Variants in FLG observed in about 807,000 individuals in gnomAD.
FLG encodes epidermal filaggrin.
FLG carries 6 observed loss-of-function variants against 3.8 expected under a neutral mutation model. The ratio of observed to expected loss-of-function variants is 1.60; its 90% CI spans 0.87 to 3.15. The LOEUF (loss-of-function observed/expected upper bound fraction) is 3.15, where lower values mean the gene tolerates loss of function less well. FLG is among the 30% of genes most tolerant of loss of function. The pLI is 0.00. For synonymous variants in FLG, 2,551 were observed against 1,931.6 expected (o/e 1.32, Z -8.41); for missense variants, 7,595 against 5,050.9 (o/e 1.50, Z -15.27).
In FLG at chr1:152,309,046, C is replaced by T. The variant is rs560912365; in HGVS notation, c.5840G>A (p.Trp1947Ter). The change falls in exon 3 of 3, where the codon TGG (tryptophan) becomes TAG (stop). Residue 1947 changes from tryptophan (W) to a stop codon, truncating the protein, a stop_gained. Coordinates refer to ENST00000368799, the MANE Select transcript of FLG (RefSeq NM_002016.2). LOFTEE classifies it low-confidence loss of function (END_TRUNC). Reference sequence around the variant, plus strand: ...TCTGGAGCCATCTCTTGACTGCTCCCAAGCAGATCCAAGATGGTTTCTGGA... The same window carrying T: ...TCTGGAGCCATCTCTTGACTGCTCCTAAGCAGATCCAAGATGGTTTCTGGA... ...SASRNHLGSA[W>*]EQSRDGSRHP... 3.0e-4 allele frequency: 483 copies of T among 1,613,528 alleles called. 1 individual carries two copies. Among genetic ancestry groups the T allele is most frequent in the Middle Eastern group, 2.5e-3 (15 of 6,062 alleles).
Position 152,307,535 on chromosome 1 carries a change from T to A in FLG, c.7351A>T (p.Arg2451Trp), listed in dbSNP as rs1309536292. ...SHHKQARDSS[R>W]HSTSQEGQDT... ...TGACCCTCTTGGGACGTTGAGTGCC[T>A]GGAGCTGTCTCGTGCCTGCTTGTGG... is the stretch of plus-strand genomic sequence containing the variant. Residue 2451 changes from arginine (R) to tryptophan (W), a missense_variant, in exon 3 of 3, where the codon AGG (arginine) becomes TGG (tryptophan). Coordinates refer to ENST00000368799, the MANE Select transcript of FLG (RefSeq NM_002016.2). The A allele has an allele frequency of 1.2e-6, 2 of 1,613,760 alleles. No homozygotes were observed. Among genetic ancestry groups the A allele is most frequent in the East Asian group, 2.2e-5 (1 of 44,786 alleles).
At position 152,312,377 on chromosome 1, in the gene FLG, C is replaced by A; in HGVS notation, c.2509G>T (p.Gly837Cys). 10 of 1,611,470 alleles carry A rather than the reference C, an allele frequency of 6.2e-6. 1 individual carries two copies. In the South Asian group the frequency reaches 9.9e-5, roughly 16 times the overall value. ...GGGTGTCCACGAATGGTGTCCTGAC[C>A]ATCTTGGGATGCTGAGTGCCTGGAG... ...DNSRHSASQD[G>C]QDTIRGHPGS... is the part of the protein sequence containing the mutation. The change falls in exon 3 of 3, where the codon GGT (glycine) becomes TGT (cysteine). Residue 837 changes from glycine to cysteine, a missense_variant. Gly to Cys is a radical substitution (Grantham distance 159). Coordinates refer to ENST00000368799, the MANE Select transcript of FLG (RefSeq NM_002016.2).
Position 152,303,797 on chromosome 1 carries a change from G to T in FLG, c.11089C>A (p.Arg3697Ser), listed in dbSNP as rs375154095. ...PHQQSHQEST[R>S]GRSAGRSGRS... ...CCAGACCTTCCTGCTGACCGGCCACGTGTGGACTCTTGGTGGCTCTGCTGA... is the reference window on the plus strand; with the variant it reads ...CCAGACCTTCCTGCTGACCGGCCACTTGTGGACTCTTGGTGGCTCTGCTGA... Residue 3697 changes from arginine (R) to serine (S), a missense_variant, in exon 3 of 3, where the codon CGT becomes AGT. Transcript: ENST00000368799. 2 of 1,613,680 alleles carry T rather than the reference G, an allele frequency of 1.2e-6. No individual in the cohort carries two copies. The highest frequency in any genetic ancestry group is 1.7e-6 in the Non-Finnish European group (2 of 1,179,866).
In FLG at chr1:152,308,422, T is replaced by C. The variant is rs1278841937; in HGVS notation, c.6464A>G (p.Glu2155Gly). Reference sequence around the variant, plus strand: ...GTGTCCAGACCTATCTACCGATTGCTCTTGGTGGGACCCCTGTCTTCCTCC... The same window carrying C: ...GTGTCCAGACCTATCTACCGATTGCCCTTGGTGGGACCCCTGTCTTCCTCC... Reference protein sequence around the residue: ...SRGGRQGSHQEQSVDRSGHSG... With the variant: ...SRGGRQGSHQGQSVDRSGHSG... The change falls in exon 3 of 3, where the codon GAG becomes GGG. Residue 2155 changes from glutamate (E) to glycine (G), a missense_variant. By Grantham distance (98) the Glu-to-Gly change is moderately conservative. Transcript: ENST00000368799. 1.2e-6 allele frequency: 2 copies of C among 1,613,770 alleles called. No homozygotes were observed. The highest frequency in any genetic ancestry group is 1.7e-6 in the Non-Finnish European group (2 of 1,179,910).
Position 152,303,618 on chromosome 1 carries a change from G to C in FLG, c.11268C>G (p.Asp3756Glu). The change falls in exon 3 of 3, where the codon GAC (aspartate) becomes GAG (glutamate). Residue 3756 changes from aspartate to glutamate, a missense_variant. Asp to Glu is a conservative substitution (Grantham distance 45). Coordinates refer to ENST00000368799, the MANE Select transcript of FLG (RefSeq NM_002016.2). ...TTGACCCCGGGTGTCCACGAATGGT[G>C]TCCTGACCCTCTTGGGACGCTGAGT... ...SRHSASQEGQ[D>E]TIRGHPGSRR... 1.2e-6 allele frequency: 2 copies of C among 1,613,856 alleles called. No homozygotes were observed. The highest frequency in any genetic ancestry group is 1.7e-6 in the Non-Finnish European group (2 of 1,179,956).
At position 152,313,614 on chromosome 1, in the gene FLG, G is replaced by T. The variant is rs766054836; in HGVS notation, c.1272C>A (p.Asp424Glu). The T allele has an allele frequency of 1.2e-6, 2 of 1,613,950 alleles. No homozygotes were observed. The highest frequency in any genetic ancestry group is 1.1e-5 in the South Asian group (1 of 91,060). The part of the protein sequence containing the change: ...HRGSSGSQAS[D>E]SEGHSENSDT... ...CTGAGTTTTCTGAATGTCCCTCACT[G>T]TCACTGGCCTGACTACCGCTAGACC... Residue 424 changes from aspartate to glutamate, a missense_variant, in exon 3 of 3, where the codon GAC becomes GAA. Asp to Glu is a conservative substitution (Grantham distance 45). Coordinates refer to ENST00000368799, the MANE Select transcript of FLG (RefSeq NM_002016.2).
rs149094882 is a variant in FLG at position 152,302,896 on chromosome 1, C to T, written c.11990G>A (p.Gly3997Glu). 6.2e-7 allele frequency: 1 copy of T among 1,614,060 alleles called. No homozygotes were observed. The highest frequency in any genetic ancestry group is 8.5e-7 in the Non-Finnish European group (1 of 1,180,038). The change falls in exon 3 of 3, where the codon GGA becomes GAA. Residue 3997 changes from glycine to glutamate, a missense_variant. Coordinates refer to ENST00000368799, the MANE Select transcript of FLG (RefSeq NM_002016.2). The part of the protein sequence containing the change: ...GESGFRHSQH[G>E]SVSYNSNPVV... ...AGGATTGGAATTGTAACTAACACTTCCGTGCTGAGAGTGTCTAAACCCGGA... is the reference window on the plus strand; with the variant it reads ...AGGATTGGAATTGTAACTAACACTTTCGTGCTGAGAGTGTCTAAACCCGGA...
In FLG at chr1:152,312,733, T is replaced by C. The variant is rs1467213984; in HGVS notation, c.2153A>G (p.Asp718Gly). 6.2e-7 allele frequency: 1 copy of C among 1,613,938 alleles called. No homozygotes were observed. The highest frequency in any genetic ancestry group is 1.3e-5 in the African/African-American group (1 of 74,844). ...CCCAGTGCCTGAGTGTCTGGAGCTG[T>C]CTGCTGACTGGAGCTGGTGGCGGGA... is the stretch of plus-strand genomic sequence containing the variant. ...HGSRHQLQSADSSRHSGTGHG... is the reference protein window; with the variant it reads ...HGSRHQLQSAGSSRHSGTGHG... The change falls in exon 3 of 3, where the codon GAC (aspartate) becomes GGC (glycine). Residue 718 changes from aspartate to glycine, a missense_variant. Physicochemically the swap from Asp to Gly is moderately conservative, Grantham distance 94 (BLOSUM62 -1). Transcript: ENST00000368799.
rs775463187 is a variant in FLG at position 152,304,599 on chromosome 1, C to T, written c.10287G>A (p.Glu3429=). ...GGTGTCCACGAATGGTGTCCTGACC[C>T]TCTTGGGACGCTGAGTGCCTGGAGC... ...RDSSRHSASQ[E]GQDTIRGHPG... is the part of the protein sequence containing the mutation. The change falls in exon 3 of 3, where the codon GAG becomes GAA. Residue 3429 remains glutamate, a synonymous_variant. Coordinates refer to ENST00000368799, the MANE Select transcript of FLG (RefSeq NM_002016.2). The T allele has an allele frequency of 6.2e-7, 1 of 1,610,030 alleles. No individual in the cohort carries two copies. Among genetic ancestry groups the T allele is most frequent in the African/African-American group, 1.3e-5 (1 of 74,316 alleles).
chr1:152,313,029 G>A lies in FLG; in HGVS notation c.1857C>T (p.Ser619=), dbSNP rs1158772325. ...GACTGTCACTGTCCTGGCTAACACT[G>A]GATCCCTGGTTCCTACTTGTCCTGG... The part of the protein sequence containing the change: ...SGPRTSRNQG[S]SVSQDSDSQG... Residue 619 remains serine, a synonymous_variant, in exon 3 of 3, where the codon TCC becomes TCT. Transcript: ENST00000368799. 7.4e-6 allele frequency: 12 copies of A among 1,613,930 alleles called. No homozygotes were observed. The highest frequency in any genetic ancestry group is 1.0e-5 in the Non-Finnish European group (12 of 1,180,000).
At position 152,312,741 on chromosome 1, in the gene FLG, C is replaced by T; in HGVS notation, c.2145G>A (p.Gln715=). 6.2e-7 allele frequency: 1 copy of T among 1,613,982 alleles called. No homozygotes were observed. The highest frequency in any genetic ancestry group is 8.5e-7 in the Non-Finnish European group (1 of 1,180,020). Residue 715 remains glutamine, a synonymous_variant, in exon 3 of 3, where the codon CAG becomes CAA. Coordinates refer to ENST00000368799, the MANE Select transcript of FLG (RefSeq NM_002016.2). The stretch of plus-strand genomic sequence containing the variant: ...CTGAGTGTCTGGAGCTGTCTGCTGA[C>T]TGGAGCTGGTGGCGGGATCCATGTC... ...GERHGSRHQL[Q]SADSSRHSGT... is the part of the protein sequence containing the mutation.
chr1:152,307,381 T>C lies in FLG; in HGVS notation c.7505A>G (p.Asp2502Gly). 1 of 1,613,212 alleles carries C rather than the reference T, an allele frequency of 6.2e-7. No individual in the cohort carries two copies. The highest frequency in any genetic ancestry group is 8.5e-7 in the Non-Finnish European group (1 of 1,179,696). The change falls in exon 3 of 3, where the codon GAT becomes GGT. Residue 2502 changes from aspartate (D) to glycine (G), a missense_variant. Asp to Gly is a moderately conservative substitution (Grantham distance 94). Transcript: ENST00000368799. ...HSHTTSQGRSDASHGHSGSRS... is the reference protein window; with the variant it reads ...HSHTTSQGRSGASHGHSGSRS... ...GGATCCTGAGTGCCCATGGGAGGCA[T>C]CAGACCTTCCCTGGGATGTGGTGTG...
rs973320159 is a variant in FLG at position 152,303,820 on chromosome 1, T to C, written c.11066A>G (p.Gln3689Arg). Residue 3689 changes from glutamine (Q) to arginine (R), a missense_variant, in exon 3 of 3, where the codon CAG (glutamine) becomes CGG (arginine). By Grantham distance (43) the Gln-to-Arg change is conservative (BLOSUM62 1). Coordinates refer to ENST00000368799, the MANE Select transcript of FLG (RefSeq NM_002016.2). ...ACGTGTGGACTCTTGGTGGCTCTGC[T>C]GATGGGGCCCAGCCTGTCCGTGGGC... is the stretch of plus-strand genomic sequence containing the variant. The part of the protein sequence containing the change: ...VSAHGQAGPH[Q>R]QSHQESTRGR... The C allele has an allele frequency of 6.2e-7, 1 of 1,613,346 alleles. No individual in the cohort carries two copies. Among genetic ancestry groups the C allele is most frequent in the Non-Finnish European group, 8.5e-7 (1 of 1,179,810 alleles).
chr1:152,304,507 G>A lies in FLG; in HGVS notation c.10379C>T (p.Ser3460Leu), dbSNP rs1368328760. The change falls in exon 3 of 3, where the codon TCA (serine) becomes TTA (leucine). Residue 3460 changes from serine to leucine, a missense_variant. Transcript: ENST00000368799. ...TGTGGTGTGGCTGTGATGGGACCCTGAGTGTCCAGACCTATCTACCGATTG... is the reference window on the plus strand; with the variant it reads ...TGTGGTGTGGCTGTGATGGGACCCTAAGTGTCCAGACCTATCTACCGATTG... Reference protein sequence around the residue: ...YEQSVDRSGHSGSHHSHTTSQ... With the variant: ...YEQSVDRSGHLGSHHSHTTSQ... The A allele has an allele frequency of 5.0e-6, 8 of 1,612,770 alleles. No homozygotes were observed. In the East Asian group the frequency reaches 1.6e-4, roughly 32 times the overall value.
At position 152,302,570 on chromosome 1, in the gene FLG, A is replaced by G; in HGVS notation, c.*130T>C. 1 of 1,180,440 alleles carries G rather than the reference A, an allele frequency of 8.5e-7. No homozygotes were observed. Among genetic ancestry groups the G allele is most frequent in the East Asian group, 2.6e-5 (1 of 39,154 alleles). The allele number at this position is 1,180,440 out of a possible 1,614,324, so 73.1% of individuals were successfully genotyped here. On this transcript the variant is annotated 3_prime_UTR_variant, in exon 3 of 3. Coordinates refer to ENST00000368799, the MANE Select transcript of FLG (RefSeq NM_002016.2). ...AATAAGCTACCACCAAACTAATGAA[A>G]TACTATAGCATATTTTAAACAGATT... is the stretch of plus-strand genomic sequence containing the variant.
chr1:152,307,197 C>G lies in FLG; in HGVS notation c.7689G>C (p.Trp2563Cys), dbSNP rs767179116. ...QSEGPRTSRN[W>C]GSSFSQDSDS... ...CACTGTCCTGGCTAAAACTGGATCCCCAGTTCCTGCTTGTCCTGGGCCCCT... is the reference window on the plus strand; with the variant it reads ...CACTGTCCTGGCTAAAACTGGATCCGCAGTTCCTGCTTGTCCTGGGCCCCT... Residue 2563 changes from tryptophan (W) to cysteine (C), a missense_variant, in exon 3 of 3, where the codon TGG (tryptophan) becomes TGC (cysteine). Transcript: ENST00000368799. The G allele has an allele frequency of 4.3e-6, 7 of 1,612,806 alleles. No homozygotes were observed. Among genetic ancestry groups the G allele is most frequent in the Non-Finnish European group, 5.1e-6 (6 of 1,179,942 alleles).
Position 152,306,930 on chromosome 1 carries a change from T to G in FLG, c.7956A>C (p.Glu2652Asp), listed in dbSNP as rs192116923. 437,390 of 1,126,806 alleles carry G rather than the reference T, an allele frequency of 0.39. 57,093 individuals carry two copies. The highest frequency in any genetic ancestry group is 0.43 in the Non-Finnish European group (356,193 of 819,056). 69.8% of individuals were successfully genotyped at this position (1,126,806 alleles called of 1,614,324 possible). Residue 2652 changes from glutamate to aspartate, a missense_variant, in exon 3 of 3, where the codon GAA becomes GAC. By Grantham distance (45) the Glu-to-Asp change is conservative. Coordinates refer to ENST00000368799, the MANE Select transcript of FLG (RefSeq NM_002016.2). Reference sequence around the variant, plus strand: ...ACTGCTGGTGGTGGGATCCATGTCTTTCTCCTGCACTTGATCTTGCCTGTT... The same window carrying G: ...ACTGCTGGTGGTGGGATCCATGTCTGTCTCCTGCACTTGATCTTGCCTGTT... ...SHEQARSSAG[E>D]RHGSHHQQSA...
Position 152,314,252 on chromosome 1 carries a change from CTTCA to C in FLG, c.630_633del (p.Asn210LysfsTer13). On this transcript the variant is annotated frameshift_variant, in exon 3 of 3. Coordinates refer to ENST00000368799, the MANE Select transcript of FLG (RefSeq NM_002016.2). LOFTEE classifies it low-confidence loss of function (END_TRUNC). ...GTATTTTCATAATCATATACTCCTT[CTTCA>C]TTGTCTTCTTTCTCTTCAAGTCTTT... The C allele has an allele frequency of 1.2e-6, 2 of 1,613,366 alleles. No individual in the cohort carries two copies. Among genetic ancestry groups the C allele is most frequent in the Non-Finnish European group, 1.7e-6 (2 of 1,179,824 alleles).
In FLG at chr1:152,304,864, C is replaced by G; in HGVS notation, c.10022G>C (p.Ser3341Thr). 2 of 1,613,868 alleles carry G rather than the reference C, an allele frequency of 1.2e-6. No individual in the cohort carries two copies. The highest frequency in any genetic ancestry group is 8.5e-7 in the Non-Finnish European group (1 of 1,179,962). ...CTCTTCTGAATGTCCCTCACTATCACTGGCCTGACTACCACTGGACCCCCA... is the reference window on the plus strand; with the variant it reads ...CTCTTCTGAATGTCCCTCACTATCAGTGGCCTGACTACCACTGGACCCCCA... ...RHWGSSGSQA[S>T]DSEGHSEESD... is the part of the protein sequence containing the mutation. The change falls in exon 3 of 3, where the codon AGT becomes ACT. Residue 3341 changes from serine (S) to threonine (T), a missense_variant. By Grantham distance (58) the Ser-to-Thr change is moderately conservative. Transcript: ENST00000368799.
Sources: allele counts gnomAD v4.1 joint callset, GRCh38; gene constraint gnomAD v4.1.1; transcripts MANE v1.5; gene names NCBI Gene and HGNC (gene_info 2026-07-23, HGNC 2026-07-21).